PINLYP: variants seen among roughly 807,000 people sequenced by gnomAD.
The protein encoded by PINLYP is phospholipase A2 inhibitor and Ly6/PLAUR domain-containing protein.
In PINLYP, 12 loss-of-function variants were observed where a neutral mutation model predicts 15.8. The observed-to-expected ratio is 0.76, with a 90% CI of 0.49 to 1.23. The LOEUF (loss-of-function observed/expected upper bound fraction) is 1.23, where lower values mean the gene tolerates loss of function less well. Ranked by LOEUF, PINLYP falls within the 50% of genes most tolerant of loss-of-function variation. The pLI, the probability that PINLYP is intolerant of heterozygous loss-of-function variation, is 0.00. For synonymous variants in PINLYP, 93 were observed against 97.7 expected (o/e 0.95, Z 0.28); for missense variants, 278 against 264.2 (o/e 1.05, Z -0.36).
rs755864511 is a variant in PINLYP, at chr19:43,577,154, A to T, written c.-38A>T. The stretch of plus-strand genomic sequence containing the variant: ...CAGACCCACCCCTCCTCAGCTTCCT[A>T]TAAAAGCTGGGGACCAGGTACTGCT... On this transcript the variant is annotated 5_prime_UTR_variant, in exon 2 of 6. Coordinates refer to ENST00000599207, the Ensembl canonical transcript of PINLYP. 3 of 1,535,844 alleles carry T rather than the reference A, an allele frequency of 2.0e-6. No individual in the cohort carries two copies. The South Asian group carries it at 3.6e-5, about 18-fold the overall frequency.
In PINLYP at chr19:43,576,935, G is replaced by C. The variant is rs576938026; in HGVS notation, c.-78+16G>C. The C allele has an allele frequency of 5.9e-6, 3 of 512,396 alleles. No individual in the cohort carries two copies. The South Asian group carries it at 9.6e-5, about 16-fold the overall frequency. The allele number at this position is 512,396 out of a possible 1,614,324, so 31.7% of individuals were successfully genotyped here. On this transcript the variant is annotated intron_variant, in intron 1 of 5. Coordinates refer to ENST00000599207, the Ensembl canonical transcript of PINLYP. ...CCGTGGGAAGGTGAGAAAACAGGGT[G>C]GTGACTTTCTGGGTTCTAATAGAAG...
chr19:43,578,743 G>A (rs1320420139), intron 3 of PINLYP, 37 bp downstream of exon 3: 9 of 1,474,292 alleles, frequency 6.1e-6, no homozygotes, highest in Non-Finnish European at 7.3e-6. Context: ...TGGGGAGGTG[G>A]GGTGTACCTT....
intron 2 of PINLYP, 77 bp downstream of exon 2, chr19:43,577,338 A>G (rs1290329297): frequency 7.2e-7 from 1 of 1,395,018 alleles, no homozygotes; most frequent in Non-Finnish European, 9.5e-7. Flanking sequence ...AGAGAGATAT[A>G]GAGAGAGAAA....
At chr19:43,578,682 C>A (rs1209988358) in exon 3 of PINLYP, 3 of 1,535,872 alleles carry the variant, frequency 2.0e-6, no homozygotes, top group Non-Finnish European at 2.6e-6. Context: ...CACATGTGTG[C>A]TCCTGGTCGG....
Position 43,580,187 on chromosome 19 carries a change from C to A in PINLYP, c.188-1025C>A, listed in dbSNP as rs186822848. ...CCAGCGTTGGTGGGTTAAGGAAGGA[C>A]CTGAAAGGCTTGAAGAGAACCCCCA... On this transcript the variant is annotated intron_variant, in intron 3 of 5. Transcript: ENST00000599207. Among the ~76,000 whole-genome samples the A allele has an allele frequency of 8.5e-5, 13 of 152,058 alleles. No homozygotes were observed. In the East Asian group the frequency reaches 2.5e-3, roughly 29 times the overall value.
At position 43,581,618 on chromosome 19, in the gene PINLYP, CT is replaced by C. The variant is rs1202523781; in HGVS notation, c.398del (p.Phe133SerfsTer9). 6.5e-7 allele frequency: 1 copy of C among 1,536,630 alleles called. No homozygotes were observed. Among genetic ancestry groups the C allele is most frequent in the Non-Finnish European group, 8.7e-7 (1 of 1,147,020 alleles). On this transcript the variant is annotated frameshift_variant, in exon 5 of 6. Transcript: ENST00000599207. LOFTEE classifies it high-confidence loss of function. ...TGATGTGCCCCGCCTGCACTGCGAG[CT>C]TCAGGGACAAATGCATGGGGCCCAT...
chr19:43,581,880 C>A (rs1195541726), exon 6 of PINLYP: 2 of 1,536,724 alleles, frequency 1.3e-6, no homozygotes, highest in Non-Finnish European at 1.7e-6. Flanking sequence ...ATTTTCAAAC[C>A]CAGATTTGCT....
At chr19:43,582,059 T>C (rs2146086214) in exon 6 of PINLYP, 2 of 1,519,966 alleles carry the variant, frequency 1.3e-6, no homozygotes, top group South Asian at 2.4e-5. Flanking sequence ...GTCCTCAGCC[T>C]GTAACTCCCC....
chr19:43,575,578 G>A, upstream of PINLYP: 3 of 1,106,724 alleles, frequency 2.7e-6, no homozygotes, highest in Non-Finnish European at 3.8e-6. Flanking sequence ...AAGCGCGCGA[G>A]GCTCGGGCCT....
At chr19:43,577,299 A>AAGAAGAG in intron 2 of PINLYP, 38 bp downstream of exon 2, 3 of 1,518,220 alleles carry the variant, frequency 2.0e-6, no homozygotes, top group Non-Finnish European at 2.6e-6. Flanking sequence ...CTGGGACCTC[A>AAGAAGAG]GGAAGAGAGA....
At chr19:43,575,752 C>T, upstream of PINLYP, 1 of 340,348 alleles carries the variant, frequency 2.9e-6, no homozygotes. Flanking sequence ...CAATGACGTC[C>T]GAACCCTGCT....
In PINLYP at chr19:43,582,086, G is replaced by A. The variant is rs183763819; in HGVS notation, c.*85G>A. Reference sequence around the variant, plus strand: ...TAACTCCCCGTGTGCCTATAAAGAAGTTAATAGAGCAAGCCTGAGTCCTTG... The same window carrying A: ...TAACTCCCCGTGTGCCTATAAAGAAATTAATAGAGCAAGCCTGAGTCCTTG... On this transcript the variant is annotated 3_prime_UTR_variant, in exon 6 of 6. Coordinates refer to ENST00000599207, the Ensembl canonical transcript of PINLYP. 1.0e-5 allele frequency: 15 copies of A among 1,450,972 alleles called. No homozygotes were observed. The East Asian group carries it at 2.0e-4, about 19-fold the overall frequency. 89.9% of individuals were successfully genotyped at this position (1,450,972 alleles called of 1,614,324 possible).
upstream of PINLYP, chr19:43,575,668 G>C (rs1972853187): frequency 4.5e-6 from 2 of 444,846 alleles, no homozygotes; most frequent in South Asian, 8.0e-5. Flanking sequence ...AGAGCGCTGC[G>C]TTCCTTAGCA....
At chr19:43,576,151 T>G (rs947571677) in exon 1 of PINLYP, 1 of 152,138 alleles carries the variant, frequency 6.6e-6, no homozygotes, top group African/African-American at 2.4e-5. Flanking sequence ...ACTCCTCAGC[T>G]CAAGCGATCC....
intron 3 of PINLYP, 169 bp downstream of exon 3, chr19:43,578,875 A>G (rs1306140885): frequency 5.1e-6 from 3 of 590,636 alleles, no homozygotes; most frequent in Non-Finnish European, 9.2e-6. Context: ...AGGGAACAGA[A>G]ATAAGTGGTG....
In PINLYP at chr19:43,578,556, A is replaced by G. The variant is rs1430568637; in HGVS notation, c.71-34A>G. ...TCGTGGTCCGAAGACCACACCACCC[A>G]TGACTACAGCCTCGCCCTCTGTCTA... On this transcript the variant is annotated intron_variant, in intron 2 of 5. Transcript: ENST00000599207. 11 of 1,491,296 alleles carry G rather than the reference A, an allele frequency of 7.4e-6. No homozygotes were observed. The East Asian group carries it at 2.7e-4, about 37-fold the overall frequency. The allele number at this position is 1,491,296 out of a possible 1,614,324, so 92.4% of individuals were successfully genotyped here.
intron 3 of PINLYP, among the ~76,000 whole-genome samples, chr19:43,580,062 T>C (rs1972911277): frequency 6.6e-6 from 1 of 151,640 alleles, no homozygotes; most frequent in South Asian, 2.1e-4. Flanking sequence ...GGAGGAGAGA[T>C]GATGAGGCCT....
rs530514486 is a variant in PINLYP, at chr19:43,578,553, C to T, written c.71-37C>T. The T allele has an allele frequency of 7.5e-6, 11 of 1,474,670 alleles. No individual in the cohort carries two copies. The East Asian group carries it at 2.7e-4, about 36-fold the overall frequency. 91.3% of individuals were successfully genotyped at this position (1,474,670 alleles called of 1,614,324 possible). A position where few individuals can be genotyped will look rare whatever the true frequency, so the allele number is the denominator to read the frequency against. The stretch of plus-strand genomic sequence containing the variant: ...AAGTCGTGGTCCGAAGACCACACCA[C>T]CCATGACTACAGCCTCGCCCTCTGT... On this transcript the variant is annotated intron_variant, in intron 2 of 5. Transcript: ENST00000599207.
At chr19:43,581,431 G>T in intron 4 of PINLYP, 67 bp downstream of exon 4, 1 of 1,526,338 alleles carries the variant, frequency 6.6e-7, no homozygotes. Context: ...GCCACTTGCT[G>T]GCTCTGAGCC....
Sources: gnomAD v4.1 joint callset for allele counts (sites outside exome capture counted in the v4.1 genomes callset) on GRCh38, gnomAD v4.1.1 for gene constraint, MANE v1.5 for transcripts, NCBI Gene and HGNC (gene_info 2026-07-23, HGNC 2026-07-21) for gene names.